RHOBTB2: variants seen among roughly 807,000 people sequenced by gnomAD.
RHOBTB2 encodes rho-related BTB domain-containing protein 2.
Under a neutral mutation model 66.5 loss-of-function variants are expected in RHOBTB2, and 39 were observed. That is an observed-to-expected ratio of 0.59 (90% CI 0.45 to 0.77). The LOEUF (loss-of-function observed/expected upper bound fraction) is 0.77. RHOBTB2 is among the 30% of genes least tolerant of loss of function. The pLI, the probability that RHOBTB2 is intolerant of heterozygous loss-of-function variation, is 0.00. For synonymous variants in RHOBTB2, 390 were observed against 395.0 expected (o/e 0.99, Z 0.15); for missense variants, 755 against 999.1 (o/e 0.76, Z 3.29).
At chr8:22,951,761 C>G in the RHOBTB2 span, among the ~76,000 whole-genome samples, 2 of 152,174 alleles carry the variant, frequency 1.3e-5, no homozygotes, top group African/African-American at 4.8e-5. Context: ...TTTTGTGGAT[C>G]TTCAGTTGCT....
the RHOBTB2 span, among the ~76,000 whole-genome samples, chr8:22,953,287 T>C: frequency 2.6e-5 from 4 of 152,218 alleles, no homozygotes; most frequent in African/African-American, 9.6e-5. Context: ...ATCTTATTGT[T>C]GCTGATCACC....
At chr8:23,014,501 A>T (rs1324331393) in intron 7 of RHOBTB2, among the ~76,000 whole-genome samples, 189 bp from the exon 8 acceptor site, 1 of 152,122 alleles carries the variant, frequency 6.6e-6, no homozygotes, top group Non-Finnish European at 1.5e-5. Flanking sequence ...TACCCCGTTG[A>T]GCTCTTGCTG....
chr8:22,996,851 G>T (rs1018629809), upstream of RHOBTB2, among the ~76,000 whole-genome samples: 4 of 152,084 alleles, frequency 2.6e-5, no homozygotes, highest in African/African-American at 9.7e-5. Flanking sequence ...GAGTGGCCCT[G>T]TTTTCCAGGA....
intron 7 of RHOBTB2, among the ~76,000 whole-genome samples, chr8:23,012,475 G>C (rs1311950793): frequency 6.6e-6 from 1 of 152,200 alleles, no homozygotes; most frequent in African/African-American, 2.4e-5. Context: ...AAGATGCCAA[G>C]TTTTATATAA....
rs1310430821 is a variant in RHOBTB2, at chr8:23,004,864, A to G, written c.192+238A>G. ...GGACTGAGCTGGTGCCTGGGACTCC[A>G]TCTTTGTCTGGGGTACCGCATTGTA... is the stretch of plus-strand genomic sequence containing the variant. On this transcript the variant is annotated intron_variant, in intron 2 of 9. Transcript: ENST00000251822. This position sits in a 1 kb window ranked among gnomAD's most constrained non-coding sequence, Gnocchi z 6.4. The G allele has an allele frequency of 8.7e-6, 5 of 576,220 alleles. No homozygotes were observed. In the Admixed American group the frequency reaches 1.2e-4, roughly 14 times the overall value. 35.7% of individuals were successfully genotyped at this position (576,220 alleles called of 1,614,324 possible).
In RHOBTB2 at chr8:23,006,237, A is replaced by G. The variant is rs560386204; in HGVS notation, c.482+92A>G. On this transcript the variant is annotated intron_variant, in intron 4 of 9. Coordinates refer to ENST00000251822, the MANE Select transcript of RHOBTB2 (RefSeq NM_015178.3). This position sits in a 1 kb window ranked among gnomAD's most constrained non-coding sequence, Gnocchi z 6.1. ...CTGGGGGAATTCCACTGAGCCTCAT[A>G]TCTCTCCCTCCATTTGGAGCAAGCT... 9.6e-5 allele frequency: 105 copies of G among 1,094,836 alleles called. No individual in the cohort carries two copies. In the African/African-American group the frequency reaches 1.6e-3, roughly 16 times the overall value. 67.8% of individuals were successfully genotyped at this position (1,094,836 alleles called of 1,614,324 possible). A position where few individuals can be genotyped will look rare whatever the true frequency, so the allele number is the denominator to read the frequency against.
chr8:22,973,199 G>A, the RHOBTB2 span, among the ~76,000 whole-genome samples: 4 of 151,950 alleles, frequency 2.6e-5, no homozygotes, highest in East Asian at 3.9e-4. Flanking sequence ...AACTCTAACC[G>A]CCTGCTTATT....
At position 23,004,500 on chromosome 8, in the gene RHOBTB2, C is replaced by A; in HGVS notation, c.66C>A (p.Asp22Glu). ...CCATCAAGTGCGTTGTGGTGGGGGA[C>A]AACGCCGTGGGTAAGACCAGGCTCA... is the stretch of plus-strand genomic sequence containing the variant. ...VETIKCVVVG[D>E]NAVGKTRLIC... Residue 22 changes from aspartate (D) to glutamate (E), a missense_variant, in exon 2 of 10, where the codon GAC (aspartate) becomes GAA (glutamate). This residue lies in a region of RHOBTB2 where 65 missense variants were observed against 152.4 expected (regional missense o/e 0.43). Coordinates refer to ENST00000251822, the MANE Select transcript of RHOBTB2 (RefSeq NM_015178.3). The surrounding 1 kb of genome is among the most constrained non-coding windows in gnomAD (Gnocchi z 6.4). 6.2e-7 allele frequency: 1 copy of A among 1,614,230 alleles called. No individual in the cohort carries two copies.
chr8:22,958,825 A>AAG, the RHOBTB2 span, among the ~76,000 whole-genome samples: 1 of 150,648 alleles, frequency 6.6e-6, no homozygotes, highest in African/African-American at 2.5e-5. Flanking sequence ...AAAAAAAAAA[A>AAG]AGAGGTTGAA....
rs775527995 is a variant in RHOBTB2 at position 23,005,388 on chromosome 8, G to A, written c.209G>A (p.Arg70Gln). 3.1e-6 allele frequency: 5 copies of A among 1,613,684 alleles called. No homozygotes were observed. The highest frequency in any genetic ancestry group is 1.3e-5 in the African/African-American group (1 of 74,922). The change falls in exon 3 of 10, where the codon CGA becomes CAA. Residue 70 changes from arginine to glutamine, a missense_variant. Physicochemically the swap from Arg to Gln is conservative, Grantham distance 43 (BLOSUM62 1). Transcript: ENST00000251822. ...RVCQEVLERS[R>Q]DVVDDVSVSL... ...CGTCCCCAGGTGCTGGAACGCTCCC[G>A]AGACGTGGTAGATGATGTCAGCGTC...
chr8:22,971,873 A>G, the RHOBTB2 span, among the ~76,000 whole-genome samples: 1 of 152,136 alleles, frequency 6.6e-6, no homozygotes, highest in Non-Finnish European at 1.5e-5. Context: ...ACACATCCCT[A>G]TCTAAGTTGA....
the RHOBTB2 span, among the ~76,000 whole-genome samples, chr8:22,969,074 T>C: frequency 1.3e-5 from 2 of 152,196 alleles, no homozygotes; most frequent in Non-Finnish European, 2.9e-5. Flanking sequence ...AGAGGTTTAA[T>C]GGACTCACAG....
chr8:22,961,411 GCTGC>G, the RHOBTB2 span, among the ~76,000 whole-genome samples: 3 of 152,018 alleles, frequency 2.0e-5, no homozygotes, highest in Non-Finnish European at 2.9e-5. Flanking sequence ...TTCTATAAAT[GCTGC>G]CTGCCTGCCT....
At chr8:22,953,835 G>A in the RHOBTB2 span, among the ~76,000 whole-genome samples, 1 of 152,140 alleles carries the variant, frequency 6.6e-6, no homozygotes, top group East Asian at 1.9e-4. Context: ...CCTGTAATAT[G>A]ATGATACATA....
intron 2 of RHOBTB2, among the ~76,000 whole-genome samples, chr8:22,992,879 G>A (rs953438250): frequency 6.6e-6 from 1 of 152,250 alleles, no homozygotes; most frequent in African/African-American, 2.4e-5. Context: ...AGGACTGGGG[G>A]AATGGGCACA....
At chr8:22,962,154 G>A in the RHOBTB2 span, among the ~76,000 whole-genome samples, 1 of 92,850 alleles carries the variant, frequency 1.1e-5, no homozygotes, top group Non-Finnish European at 1.9e-5. Context: ...GAGTAAGGCT[G>A]TCTCTAAAAA....
the RHOBTB2 span, among the ~76,000 whole-genome samples, chr8:22,976,707 C>T: frequency 3.3e-5 from 5 of 152,112 alleles, no homozygotes; most frequent in Non-Finnish European, 7.4e-5. Context: ...CTCACTGAAA[C>T]CATCACCTCC....
chr8:22,995,242 A>G (rs1448552272), upstream of RHOBTB2, among the ~76,000 whole-genome samples: 2 of 152,170 alleles, frequency 1.3e-5, no homozygotes, highest in Non-Finnish European at 2.9e-5. Context: ...CTGAACAAGC[A>G]TTATAGTGTT....
rs1347031274 is a variant in RHOBTB2 at position 23,020,174 on chromosome 8, T to C, written c.*2705T>C. 2 of 420,680 alleles carry C rather than the reference T, an allele frequency of 4.8e-6. No homozygotes were observed. Among genetic ancestry groups the C allele is most frequent in the Non-Finnish European group, 9.6e-6 (2 of 208,526 alleles). 26.1% of individuals were successfully genotyped at this position (420,680 alleles called of 1,614,324 possible). A position where few individuals can be genotyped will look rare whatever the true frequency, so the allele number is the denominator to read the frequency against. On this transcript the variant is annotated 3_prime_UTR_variant, in exon 10 of 10. Transcript: ENST00000251822. The stretch of plus-strand genomic sequence containing the variant: ...CATATTTAATTTGGTCATGGATTCA[T>C]AAATACATAAGTATTTTGTACACAA...
Sources: gnomAD v4.1 joint callset for allele counts (sites outside exome capture counted in the v4.1 genomes callset) on GRCh38, gnomAD v4.1.1 for gene constraint, gnomAD v4.1.1 regional missense constraint, Gnocchi (gnomAD v3.1) non-coding constraint, MANE v1.5 for transcripts, NCBI Gene and HGNC (gene_info 2026-07-23, HGNC 2026-07-21) for gene names.